Variants in BTN2A2 observed in about 807,000 individuals in gnomAD.
BTN2A2 encodes butyrophilin 2.
Under a neutral mutation model 34.7 loss-of-function variants are expected in BTN2A2, and 29 were observed. The observed-to-expected ratio is 0.84, with a 90% CI of 0.62 to 1.14. The LOEUF (loss-of-function observed/expected upper bound fraction) is 1.14. Among genes scored for constraint, BTN2A2 ranks in the 50% most tolerant of loss-of-function variants. The pLI, the probability that BTN2A2 is intolerant of heterozygous loss-of-function variation, is 0.00. For missense variants in BTN2A2, 612 were observed against 651.5 expected (o/e 0.94, Z 0.66); for synonymous variants, 240 against 253.1 (o/e 0.95, Z 0.49).
At chr6:26,392,050 A>C in intron 7 of BTN2A2, 1 of 667,924 alleles carries the variant, frequency 1.5e-6, no homozygotes, top group East Asian at 2.7e-5. Flanking sequence ...CAGAGATCAT[A>C]TATCTTGAAT....
rs1417437377 is a variant in BTN2A2, at chr6:26,394,242, T to C, written c.*1275T>C. On this transcript the variant is annotated 3_prime_UTR_variant, in exon 8 of 8. Coordinates refer to ENST00000356709, the MANE Select transcript of BTN2A2 (RefSeq NM_006995.5). ...TCTCTCTAGGAATCCCAAAACCACA[T>C]TTTGAAACTAGAATAGTGGATCCTG... 1.4e-6 allele frequency: 1 copy of C among 699,708 alleles called. No individual in the cohort carries two copies. The highest frequency in any genetic ancestry group is 2.6e-6 in the Non-Finnish European group (1 of 383,990). The allele number at this position is 699,708 out of a possible 1,614,324, so 43.3% of individuals were successfully genotyped here.
chr6:26,387,240 G>C (rs1761259947), intron 3 of BTN2A2, among the ~76,000 whole-genome samples: 1 of 152,160 alleles, frequency 6.6e-6, no homozygotes, highest in Non-Finnish European at 1.5e-5. Flanking sequence ...TGTTCTTAAA[G>C]GACTGTAAGA....
Position 26,394,021 on chromosome 6 carries a change from T to C in BTN2A2, c.*1054T>C. 2.9e-6 allele frequency: 1 copy of C among 350,412 alleles called. No homozygotes were observed. The highest frequency in any genetic ancestry group is 4.4e-5 in the East Asian group (1 of 22,644). The allele number at this position is 350,412 out of a possible 1,614,324, so 21.7% of individuals were successfully genotyped here. A position where few individuals can be genotyped will look rare whatever the true frequency, so the allele number is the denominator to read the frequency against. On this transcript the variant is annotated 3_prime_UTR_variant, in exon 8 of 8. Transcript: ENST00000356709. The stretch of plus-strand genomic sequence containing the variant: ...TGGTTAACTTTTTCCAGATCTCATG[T>C]CTGGCTTAATAAGAGATATTTGTAT...
In BTN2A2 at chr6:26,392,804, C is replaced by T. The variant is rs1561835782; in HGVS notation, c.1409C>T (p.Thr470Ile). 3.7e-6 allele frequency: 6 copies of T among 1,614,096 alleles called. No homozygotes were observed. Among genetic ancestry groups the T allele is most frequent in the Non-Finnish European group, 5.1e-6 (6 of 1,180,040 alleles). ...YNMRDRSHIY[T>I]CPRSAFTVPV... ...ATGAGGGACAGATCGCACATCTACA[C>T]ATGTCCCCGTTCAGCCTTTACTGTG... Residue 470 changes from threonine (T) to isoleucine (I), a missense_variant, in exon 8 of 8, where the codon ACA becomes ATA. Physicochemically the swap from Thr to Ile is moderately conservative, Grantham distance 89. Coordinates refer to ENST00000356709, the MANE Select transcript of BTN2A2 (RefSeq NM_006995.5).
At chr6:26,386,960 TTTC>T (rs1253781704) in intron 3 of BTN2A2, among the ~76,000 whole-genome samples, 1 of 152,250 alleles carries the variant, frequency 6.6e-6, no homozygotes, top group Non-Finnish European at 1.5e-5. Context: ...TTTAATTTTC[TTTC>T]TTTAACATAA....
chr6:26,389,577 T>C (rs922391848), intron 4 of BTN2A2, among the ~76,000 whole-genome samples: 1 of 152,048 alleles, frequency 6.6e-6, no homozygotes, highest in Admixed American at 6.5e-5. Context: ...TTAGAGTGAG[T>C]GAGTGGGAAG....
chr6:26,391,315 G>A (rs1422119389), intron 7 of BTN2A2: 2 of 179,820 alleles, frequency 1.1e-5, no homozygotes, highest in East Asian at 2.7e-4. Flanking sequence ...CTGCCTCTAA[G>A]AGAGCACTGA....
chr6:26,388,572 A>G (rs1159802891), intron 4 of BTN2A2, among the ~76,000 whole-genome samples: 1 of 152,204 alleles, frequency 6.6e-6, no homozygotes, highest in Non-Finnish European at 1.5e-5. Context: ...TATTAAGGAC[A>G]ACCATCAAAC....
At chr6:26,390,739 TA>T (rs775703148) in intron 6 of BTN2A2, 32 bp downstream of exon 6, 2 of 1,614,266 alleles carry the variant, frequency 1.2e-6, no homozygotes, top group Non-Finnish European at 1.7e-6. Context: ...CTACTCCGTG[TA>T]CAATTTGTGT....
At chr6:26,385,573 C>G in intron 3 of BTN2A2, 1 of 533,580 alleles carries the variant, frequency 1.9e-6, no homozygotes, top group Non-Finnish European at 3.3e-6. Flanking sequence ...TTTTTCAAGA[C>G]AGAGTCTTGC....
At chr6:26,385,917 T>C (rs998129194) in intron 3 of BTN2A2, among the ~76,000 whole-genome samples, 1 of 152,156 alleles carries the variant, frequency 6.6e-6, no homozygotes, top group Non-Finnish European at 1.5e-5. Context: ...AAATAGTTAA[T>C]CCCGGAAAAG....
At chr6:26,387,383 T>C (rs1407328674) in intron 3 of BTN2A2, among the ~76,000 whole-genome samples, 1 of 152,212 alleles carries the variant, frequency 6.6e-6, no homozygotes, top group Non-Finnish European at 1.5e-5. Context: ...CATGGTGATG[T>C]GAGGCCCTGA....
rs1035585904 is a variant in BTN2A2, at chr6:26,394,699, C to T, written c.*1732C>T. On this transcript the variant is annotated 3_prime_UTR_variant, in exon 8 of 8. Transcript: ENST00000356709. Reference sequence around the variant, plus strand: ...TCCAGCCTACAGATGAGCTGTTGTGCGATTTCTTAGCCTCCATAATCACAT... The same window carrying T: ...TCCAGCCTACAGATGAGCTGTTGTGTGATTTCTTAGCCTCCATAATCACAT... The T allele has an allele frequency of 2.3e-5, 5 of 221,020 alleles. No individual in the cohort carries two copies. Among genetic ancestry groups the T allele is most frequent in the South Asian group, 1.5e-4 (1 of 6,854 alleles). The allele number at this position is 221,020 out of a possible 1,614,324, so 13.7% of individuals were successfully genotyped here.
At chr6:26,392,191 G>A (rs1761616004) in intron 7 of BTN2A2, 184 bp from the exon 8 acceptor site, 3 of 1,529,446 alleles carry the variant, frequency 2.0e-6, no homozygotes, top group Non-Finnish European at 2.6e-6. Context: ...TGTCTCTGGA[G>A]AGATAGAAGT....
chr6:26,388,322 C>T lies in BTN2A2; in HGVS notation c.724+28C>T, dbSNP rs375021531. On this transcript the variant is annotated intron_variant, in intron 4 of 7. Transcript: ENST00000356709. ...TAGTTCTCTGCCCTCTGAGACCTAT[C>T]AAGTGTATGCAGGATCCTCAGCACC... The T allele has an allele frequency of 1.9e-6, 3 of 1,608,758 alleles. No individual in the cohort carries two copies. In the African/African-American group the frequency reaches 4.0e-5, roughly 21 times the overall value.
Position 26,384,629 on chromosome 6 carries a change from C to G in BTN2A2, c.95-386C>G, listed in dbSNP as rs554815065. Among the ~76,000 whole-genome samples the G allele has an allele frequency of 2.6e-4, 40 of 152,240 alleles. No individual in the cohort carries two copies. The highest frequency in any genetic ancestry group is 6.8e-3 in the Middle Eastern group (2 of 294). On this transcript the variant is annotated intron_variant, in intron 2 of 7. Transcript: ENST00000356709. This position sits in a 1 kb window ranked among gnomAD's most constrained non-coding sequence, Gnocchi z 4.0. ...CTGTGTGTGTTTTACACTTAGAGTT[C>G]ATTTTTATTGGAACTGTTAAATAGC...
In BTN2A2 at chr6:26,392,682, C is replaced by T. The variant is rs1432175349; in HGVS notation, c.1287C>T (p.Ala429=). The stretch of plus-strand genomic sequence containing the variant: ...AGATGTTTGGAAACCAATACCGGGC[C>T]CTGTCCTCCCCTGAGAGGATTCTCC... The part of the protein sequence containing the change: ...TLEMFGNQYR[A]LSSPERILPL... Residue 429 remains alanine (A), a synonymous_variant, in exon 8 of 8, where the codon GCC becomes GCT. Coordinates refer to ENST00000356709, the MANE Select transcript of BTN2A2 (RefSeq NM_006995.5). 2 of 1,614,202 alleles carry T rather than the reference C, an allele frequency of 1.2e-6. No homozygotes were observed. The highest frequency in any genetic ancestry group is 1.6e-4 in the Middle Eastern group (1 of 6,062).
chr6:26,388,181 T>C lies in BTN2A2; in HGVS notation c.611T>C (p.Leu204Pro). ...KEVSIADADG[L>P]FMVTTAVIIR... ...GTTTCCATCGCTGATGCTGACGGCC[T>C]CTTCATGGTCACCACAGCTGTGATC... The change falls in exon 4 of 8, where the codon CTC (leucine) becomes CCC (proline). Residue 204 changes from leucine (L) to proline (P), a missense_variant. Transcript: ENST00000356709. The C allele has an allele frequency of 1.2e-6, 2 of 1,614,182 alleles. No homozygotes were observed. Among genetic ancestry groups the C allele is most frequent in the South Asian group, 2.2e-5 (2 of 91,080 alleles).
chr6:26,390,423 T>C, intron 5 of BTN2A2: 1 of 681,610 alleles, frequency 1.5e-6, no homozygotes, highest in Admixed American at 2.8e-5. Flanking sequence ...CTTTCTTCCA[T>C]GCTGCACACA....
Sources: allele counts gnomAD v4.1 joint callset (sites outside exome capture counted in the v4.1 genomes callset), GRCh38; gene constraint gnomAD v4.1.1; non-coding constraint Gnocchi (gnomAD v3.1); transcripts MANE v1.5; gene names NCBI Gene and HGNC (gene_info 2026-07-23, HGNC 2026-07-21).